CEP128: variants seen among roughly 807,000 people sequenced by gnomAD.
CEP128 encodes the protein centrosomal protein 128.
A neutral mutation model predicts 156.7 loss-of-function variants in CEP128; 132 were observed. The observed-to-expected ratio is 0.84, with a 90% CI of 0.73 to 0.97. The LOEUF (loss-of-function observed/expected upper bound fraction) is 0.97. Among genes scored for constraint, CEP128 ranks in the 50% least tolerant of loss-of-function variants. The probability of loss-of-function intolerance (pLI) is 0.00; values close to 1 mark genes in which losing one functional copy is unlikely to be tolerated. For synonymous variants in CEP128, 469 were observed against 448.9 expected, an observed-to-expected ratio of 1.04 and a Z score of -0.57; for missense variants, 1,252 against 1,281.9, an observed-to-expected ratio of 0.98 and a Z score of 0.36.
At chr14:80,845,908 C>A (rs1196289114) in intron 9 of CEP128, among the ~76,000 whole-genome samples, 2 of 152,096 alleles carry the variant, frequency 1.3e-5, no homozygotes, top group Non-Finnish European at 1.5e-5. Flanking sequence ...TAGAAACATT[C>A]CACTCTTCAA....
chr14:80,634,536 T>C (rs1165252185), intron 19 of CEP128, among the ~76,000 whole-genome samples: 1 of 152,238 alleles, frequency 6.6e-6, no homozygotes, highest in East Asian at 1.9e-4. Flanking sequence ...TATTTCACAA[T>C]TGGTGAGTTA....
upstream of CEP128, among the ~76,000 whole-genome samples, chr14:80,943,861 G>T (rs1241906214): frequency 6.6e-6 from 1 of 152,040 alleles, no homozygotes; most frequent in South Asian, 2.1e-4. Flanking sequence ...AGGTGTGGTG[G>T]TGGGCACCTG....
chr14:80,837,626 G>A (rs1293868444), intron 11 of CEP128, among the ~76,000 whole-genome samples: 1 of 152,334 alleles, frequency 6.6e-6, no homozygotes, highest in South Asian at 2.1e-4. Flanking sequence ...TGAGGCAGGA[G>A]AATCGCTTGA....
At chr14:80,901,016 C>T (rs1883528709) in intron 6 of CEP128, among the ~76,000 whole-genome samples, 1 of 151,838 alleles carries the variant, frequency 6.6e-6, no homozygotes, top group African/African-American at 2.4e-5. Flanking sequence ...ACCATCCTGG[C>T]TAACACGGTG....
chr14:80,956,682 TA>T (rs3216585), intron 2 of CEP128, among the ~76,000 whole-genome samples: 75,304 of 151,320 alleles, frequency 0.5, 20,157 homozygotes, highest in African/African-American at 0.7. Context: ...CCAGTTAAGA[TA>T]AAAAAAAATG....
intron 20 of CEP128, among the ~76,000 whole-genome samples, chr14:80,567,330 A>G (rs1890956625): frequency 6.6e-6 from 1 of 152,158 alleles, no homozygotes. Flanking sequence ...GGTGAAGAAT[A>G]CAAGTGGGGA....
intron 13 of CEP128, among the ~76,000 whole-genome samples, chr14:80,801,752 C>CA (rs1426139095): frequency 6.6e-6 from 1 of 151,248 alleles, no homozygotes; most frequent in Non-Finnish European, 1.5e-5. Context: ...ACTAAAAATA[C>CA]AAAAAATTAG....
intron 19 of CEP128, among the ~76,000 whole-genome samples, chr14:80,684,287 CAGA>C (rs144078088): frequency 0.01 from 1,525 of 152,196 alleles, 33 homozygotes; most frequent in African/African-American, 0.034. Context: ...CACAGAAATA[CAGA>C]AGATCTTCAG....
At position 80,660,844 on chromosome 14, in the gene CEP128, T is replaced by C. The variant is rs186924419; in HGVS notation, c.2807-80421A>G. ...TCCTGTCTCTTCAGCACATTCTTCC[T>C]ACACATACACCCTGAGACATTCAGC... is the stretch of plus-strand genomic sequence containing the variant. On this transcript the variant is annotated intron_variant, in intron 19 of 24. Transcript: ENST00000555265. Among the ~76,000 whole-genome samples, 13 of 152,302 alleles carry C rather than the reference T, an allele frequency of 8.5e-5. No individual in the cohort carries two copies. In the East Asian group the frequency reaches 2.5e-3, roughly 29 times the overall value.
intron 19 of CEP128, among the ~76,000 whole-genome samples, chr14:80,714,657 G>A (rs143999816): frequency 2.0e-5 from 3 of 151,686 alleles, no homozygotes; most frequent in East Asian, 3.9e-4. Flanking sequence ...CCACACTAAC[G>A]GCAGCTATAT....
At chr14:80,860,622 T>C (rs1887468695) in intron 9 of CEP128, among the ~76,000 whole-genome samples, 1 of 144,542 alleles carries the variant, frequency 6.9e-6, no homozygotes, top group Non-Finnish European at 1.5e-5. Context: ...AAATCAAGGT[T>C]AAAAAAAAAA....
intron 2 of CEP128, among the ~76,000 whole-genome samples, chr14:80,930,266 T>C (rs1885386460): frequency 6.6e-6 from 1 of 152,114 alleles, no homozygotes; most frequent in Admixed American, 6.5e-5. Context: ...TATCAGTGAG[T>C]GGCAAGTGAC....
intron 19 of CEP128, among the ~76,000 whole-genome samples, chr14:80,697,161 A>G (rs943761022): frequency 6.6e-6 from 1 of 152,070 alleles, no homozygotes; most frequent in African/African-American, 2.4e-5. Flanking sequence ...AATTTAAGAA[A>G]TTAAAAAAAA....
intron 8 of CEP128, among the ~76,000 whole-genome samples, chr14:80,863,836 T>G (rs1203528216): frequency 6.6e-6 from 1 of 152,164 alleles, no homozygotes; most frequent in African/African-American, 2.4e-5. Context: ...AAAAAAAAAG[T>G]TATTGAATTG....
chr14:80,729,110 TGTGTGTGTGTGTGTGTG>T (rs1898158300), intron 19 of CEP128, among the ~76,000 whole-genome samples: 1 of 135,968 alleles, frequency 7.4e-6, no homozygotes, highest in African/African-American at 2.8e-5. Context: ...TGTGTGTGTG[TGTGTGTGTGTGTGTGTG>T]TTTACCCAGT....
At chr14:80,527,821 A>G (rs1312780875) in intron 22 of CEP128, among the ~76,000 whole-genome samples, 1 of 152,226 alleles carries the variant, frequency 6.6e-6, no homozygotes, top group Non-Finnish European at 1.5e-5. Context: ...AAACATAAAA[A>G]GATTCAGGTA....
intron 19 of CEP128, among the ~76,000 whole-genome samples, chr14:80,740,555 T>G (rs201467357): frequency 7.0e-6 from 1 of 143,010 alleles, no homozygotes; most frequent in Non-Finnish European, 1.6e-5. Context: ...GACAGACAGA[T>G]AGATAGAAAT....
intron 20 of CEP128, among the ~76,000 whole-genome samples, chr14:80,561,896 C>CTATATATATA (rs145642470): frequency 0.026 from 3,722 of 142,206 alleles, 72 homozygotes; most frequent in Non-Finnish European, 0.034. Context: ...ATACGAAGGT[C>CTATATATATA]TATATATATA....
At chr14:80,508,635 A>G (rs1311206590) in intron 23 of CEP128, among the ~76,000 whole-genome samples, 4 of 152,220 alleles carry the variant, frequency 2.6e-5, no homozygotes, top group Admixed American at 2.6e-4. Context: ...TGTATTTAAC[A>G]TAAATTCCTA....
Sources: allele counts gnomAD v4.1 joint callset (sites outside exome capture counted in the v4.1 genomes callset), GRCh38; gene constraint gnomAD v4.1.1; transcripts MANE v1.5; gene names NCBI Gene and HGNC (gene_info 2026-07-23, HGNC 2026-07-21).